Variants in PADI6 observed in about 807,000 individuals in gnomAD.
The protein encoded by PADI6 is inactive protein-arginine deiminase type-6.
In PADI6, 66 loss-of-function variants were observed where a neutral mutation model predicts 78.2. The ratio of observed to expected loss-of-function variants is 0.84; its 90% CI spans 0.69 to 1.04. The LOEUF is 1.04. Ranked by LOEUF, PADI6 falls within the 50% of genes least tolerant of loss-of-function variation. The pLI is 0.00. For synonymous variants in PADI6, 397 were observed against 346.9 expected (o/e 1.14, Z -1.60); for missense variants, 854 against 866.1 (o/e 0.99, Z 0.18).
At chr1:17,387,564 G>A (rs762297307) in intron 6 of PADI6, among the ~76,000 whole-genome samples, 5 of 151,922 alleles carry the variant, frequency 3.3e-5, no homozygotes, top group Non-Finnish European at 7.4e-5. Flanking sequence ...CCTGTCTAAC[G>A]AGACGGTGAA....
chr1:17,391,863 A>AG lies in PADI6; in HGVS notation c.963-248dup, dbSNP rs758186722. On this transcript the variant is annotated intron_variant, in intron 8 of 15. Coordinates refer to ENST00000619609, the MANE Select transcript of PADI6 (RefSeq NM_207421.4). ...ATAAACAGAGCAGGCCTTGGCTACC[A>AG]GGGAAGGGGCCGCCACTGGCACTTC... Among the ~76,000 whole-genome samples the AG allele has an allele frequency of 1.6e-3, 246 of 152,350 alleles. 1 individual carries two copies. The highest frequency in any genetic ancestry group is 3.4e-3 in the Middle Eastern group (1 of 294).
chr1:17,394,352 G>A lies in PADI6; in HGVS notation c.1235G>A (p.Ser412Asn). The A allele has an allele frequency of 6.2e-7, 1 of 1,613,832 alleles. No individual in the cohort carries two copies. The highest frequency in any genetic ancestry group is 8.5e-7 in the Non-Finnish European group (1 of 1,179,836). ...IQDTEDHKVA[S>N]MDSIGNLMVS... ...GACACTGAGGACCATAAAGTGGCCAGCATGGATTCCATTGGGAACCTGATG... is the reference window on the plus strand; with the variant it reads ...GACACTGAGGACCATAAAGTGGCCAACATGGATTCCATTGGGAACCTGATG... The change falls in exon 11 of 16, where the codon AGC (serine) becomes AAC (asparagine). Residue 412 changes from serine to asparagine, a missense_variant. Physicochemically the swap from Ser to Asn is conservative, Grantham distance 46. Transcript: ENST00000619609.
At chr1:17,379,215 G>T (rs1259948267) in intron 3 of PADI6, among the ~76,000 whole-genome samples, 1 of 145,144 alleles carries the variant, frequency 6.9e-6, no homozygotes, top group East Asian at 2.0e-4. Context: ...TGGGGTTCAC[G>T]CCATTCTCCT....
chr1:17,391,668 A>G (rs2075185486), intron 8 of PADI6, among the ~76,000 whole-genome samples: 1 of 152,210 alleles, frequency 6.6e-6, no homozygotes, highest in Non-Finnish European at 1.5e-5. Flanking sequence ...TATAAAAATG[A>G]CAACCATGCA....
At chr1:17,380,630 C>T (rs948182567) in intron 4 of PADI6, among the ~76,000 whole-genome samples, 1 of 152,068 alleles carries the variant, frequency 6.6e-6, no homozygotes, top group Non-Finnish European at 1.5e-5. Flanking sequence ...CTCGGCCTCC[C>T]GAAGTACTGG....
chr1:17,382,260 C>T (rs779642683), intron 6 of PADI6, among the ~76,000 whole-genome samples, 168 bp downstream of exon 6: 12 of 152,196 alleles, frequency 7.9e-5, no homozygotes, highest in Non-Finnish European at 1.3e-4. Flanking sequence ...CTCTGGCTGC[C>T]ACCTTCCCCA....
chr1:17,397,822 C>A (rs952059710), intron 14 of PADI6, among the ~76,000 whole-genome samples: 1 of 152,172 alleles, frequency 6.6e-6, no homozygotes, highest in African/African-American at 2.4e-5. Flanking sequence ...TCATTATACT[C>A]AAGCTGCCTG....
intron 4 of PADI6, among the ~76,000 whole-genome samples, chr1:17,380,469 G>A (rs536770173): frequency 5.1e-4 from 78 of 152,274 alleles, no homozygotes; most frequent in African/African-American, 1.8e-3. Flanking sequence ...CCAGGTTCAC[G>A]CCATTCTCCT....
At position 17,383,924 on chromosome 1, in the gene PADI6, G is replaced by A. The variant is rs146422726; in HGVS notation, c.679+1832G>A. Among the ~76,000 whole-genome samples the A allele has an allele frequency of 7.2e-3, 1,095 of 152,184 alleles. 14 individuals are homozygous for A. The highest frequency in any genetic ancestry group is 0.024 in the African/African-American group (1,016 of 41,490). On this transcript the variant is annotated intron_variant, in intron 6 of 15. Coordinates refer to ENST00000619609, the MANE Select transcript of PADI6 (RefSeq NM_207421.4). ...AACACTTCGGGAGGCCAAGGCAGGC[G>A]GATCACCTGAGGTCAGGAGTTCGAG... is the stretch of plus-strand genomic sequence containing the variant.
At chr1:17,382,713 G>A (rs1177419779) in intron 6 of PADI6, among the ~76,000 whole-genome samples, 2 of 152,190 alleles carry the variant, frequency 1.3e-5, no homozygotes, top group Non-Finnish European at 2.9e-5. Flanking sequence ...AGGACTTGGC[G>A]TACCTCTAAA....
chr1:17,372,942 TCAA>T, intron 1 of PADI6, 111 bp from the exon 2 acceptor site: 2 of 1,142,800 alleles, frequency 1.8e-6, no homozygotes, highest in Non-Finnish European at 2.5e-6. Context: ...CCACTCTGCC[TCAA>T]CACCCTAAGG....
rs1320642520 is a variant in PADI6, at chr1:17,381,182, C to T, written c.553+18C>T. On this transcript the variant is annotated intron_variant, in intron 5 of 15. Coordinates refer to ENST00000619609, the MANE Select transcript of PADI6 (RefSeq NM_207421.4). ...TTCAGAGGGTAGGACCTCAGACTGT[C>T]TCTGCCTTTCCTTCTTGGTCTCTTT... is the stretch of plus-strand genomic sequence containing the variant. The T allele has an allele frequency of 1.9e-6, 3 of 1,559,716 alleles. No individual in the cohort carries two copies. Among genetic ancestry groups the T allele is most frequent in the East Asian group, 4.7e-5 (2 of 42,614 alleles).
intron 9 of PADI6, among the ~76,000 whole-genome samples, chr1:17,392,746 G>A (rs1388482284): frequency 1.3e-5 from 2 of 152,204 alleles, no homozygotes; most frequent in Admixed American, 1.3e-4. Flanking sequence ...ATGATACAGT[G>A]ATTCATTAGA....
chr1:17,384,701 T>C (rs2075103739), intron 6 of PADI6, among the ~76,000 whole-genome samples: 1 of 152,216 alleles, frequency 6.6e-6, no homozygotes, highest in Admixed American at 6.5e-5. Context: ...ATTGCACCAC[T>C]GCACTCCAGT....
At chr1:17,381,282 C>T (rs2075070689) in intron 5 of PADI6, 118 bp downstream of exon 5, 3 of 802,930 alleles carry the variant, frequency 3.7e-6, no homozygotes, top group African/African-American at 3.5e-5. Flanking sequence ...TTCCCCAGTC[C>T]CCATGCCTGG....
intron 3 of PADI6, among the ~76,000 whole-genome samples, chr1:17,378,309 G>T (rs976023180): frequency 6.6e-6 from 1 of 152,202 alleles, no homozygotes; most frequent in African/African-American, 2.4e-5. Context: ...TCTCCGTCTT[G>T]CACGCTGCTA....
intron 12 of PADI6, 67 bp downstream of exon 12, chr1:17,395,174 C>A: frequency 6.6e-7 from 1 of 1,513,858 alleles, no homozygotes; most frequent in Non-Finnish European, 8.9e-7. Flanking sequence ...TTGGAAGATT[C>A]TGGAGAGAAA....
At chr1:17,383,081 C>T (rs1026271933) in intron 6 of PADI6, among the ~76,000 whole-genome samples, 1 of 152,236 alleles carries the variant, frequency 6.6e-6, no homozygotes. Flanking sequence ...CTGCACCCGG[C>T]CCAACCTGCC....
rs1457408581 is a variant in PADI6 at position 17,392,124 on chromosome 1, C to A, written c.973C>A (p.Leu325Met). The change falls in exon 9 of 16, where the codon CTG becomes ATG. Residue 325 changes from leucine (L) to methionine (M), a missense_variant. By Grantham distance (15) the Leu-to-Met change is conservative. Coordinates refer to ENST00000619609, the MANE Select transcript of PADI6 (RefSeq NM_207421.4). ...LEVYLCRELQ[L>M]QGFVDTVTKL... ...TCTCTCCCATGGCAGGGAGCTGCAG[C>A]TGCAGGGTTTTGTGGACACAGTGAC... 5 of 1,556,794 alleles carry A rather than the reference C, an allele frequency of 3.2e-6. No individual in the cohort carries two copies. Among genetic ancestry groups the A allele is most frequent in the Non-Finnish European group, 4.3e-6 (5 of 1,150,172 alleles).
Sources: gnomAD v4.1 joint callset for allele counts (sites outside exome capture counted in the v4.1 genomes callset) on GRCh38, gnomAD v4.1.1 for gene constraint, MANE v1.5 for transcripts, NCBI Gene and HGNC (gene_info 2026-07-23, HGNC 2026-07-21) for gene names.